The following PCGF6 variants were observed in gnomAD, a reference collection of about 807,000 sequenced individuals.
The protein encoded by PCGF6 is polycomb group RING finger protein 6.
PCGF6 carries 24 observed loss-of-function variants against 45.5 expected under a neutral mutation model. That is an observed-to-expected ratio of 0.53 (90% confidence interval 0.38 to 0.74). The LOEUF (loss-of-function observed/expected upper bound fraction) is 0.74. PCGF6 is among the 30% of genes least tolerant of loss of function. PCGF6 has a pLI of 0.00. For synonymous variants in PCGF6, 152 were observed against 162.1 expected, an observed-to-expected ratio of 0.94 and a Z score of 0.47; for missense variants, 356 against 443.2, an observed-to-expected ratio of 0.80 and a Z score of 1.77.
rs746881981 is a variant in PCGF6 at position 103,348,702 on chromosome 10, T to C, written c.557+14A>G. ...ATATTTAAAATACAATTGTAATTTATATATTCTTCTTACCTTATGTTATAA... is the reference window on the plus strand; with the variant it reads ...ATATTTAAAATACAATTGTAATTTACATATTCTTCTTACCTTATGTTATAA... On this transcript the variant is annotated intron_variant, in intron 3 of 9. Transcript: ENST00000369847. 10 of 1,452,352 alleles carry C rather than the reference T, an allele frequency of 6.9e-6. No individual in the cohort carries two copies. Among genetic ancestry groups the C allele is most frequent in the South Asian group, 2.4e-5 (2 of 81,842 alleles). The allele number at this position is 1,452,352 out of a possible 1,614,324, so 90.0% of individuals were successfully genotyped here.
rs184822886 is a variant in PCGF6, at chr10:103,341,624, T to C, written c.782+3400A>G. On this transcript the variant is annotated intron_variant, in intron 6 of 9. Transcript: ENST00000369847. ...CCAGCTTTTTTTTTTTTTGTATTTT[T>C]AGTAAAGACGGGTTTCACCATATTG... is the stretch of plus-strand genomic sequence containing the variant. 5.2e-3 allele frequency among the ~76,000 whole-genome samples: 782 copies of C among 151,834 alleles called. 3 individuals carry two copies. Among genetic ancestry groups the C allele is most frequent in the Admixed American group, 8.6e-3 (131 of 15,214 alleles).
chr10:103,328,309 C>T (rs921774316), intron 7 of PCGF6, among the ~76,000 whole-genome samples: 5 of 152,148 alleles, frequency 3.3e-5, no homozygotes, highest in African/African-American at 9.7e-5. Flanking sequence ...CCTATCTGTA[C>T]AGTAGTTTGT....
At chr10:103,305,303 GCT>G (rs1184545283) in intron 9 of PCGF6, among the ~76,000 whole-genome samples, 5 of 151,560 alleles carry the variant, frequency 3.3e-5, no homozygotes. Context: ...ACACAGTCTG[GCT>G]CTGTCACCAG....
rs1347371485 is a variant in PCGF6 at position 103,303,906 on chromosome 10, C to T, written c.1052G>A (p.Ter351=). Residue 351 remains the stop codon, a stop_retained_variant, in exon 10 of 10, where the codon TGA becomes TAA. Transcript: ENST00000369847. ...GLVVSPLKIT[*] ...CTCCTCATAATGTGCCTAGAATCTTCAAGTTATCTTCAGAGGAGAAACCAC... is the reference window on the plus strand; with the variant it reads ...CTCCTCATAATGTGCCTAGAATCTTTAAGTTATCTTCAGAGGAGAAACCAC... 4 of 1,611,228 alleles carry T rather than the reference C, an allele frequency of 2.5e-6. No individual in the cohort carries two copies. Among genetic ancestry groups the T allele is most frequent in the African/African-American group, 1.3e-5 (1 of 74,920 alleles).
intron 9 of PCGF6, among the ~76,000 whole-genome samples, chr10:103,312,897 C>A (rs1029685815): frequency 6.6e-5 from 10 of 151,798 alleles, no homozygotes; most frequent in African/African-American, 1.7e-4. Context: ...GGAGGCGGAG[C>A]TTGCAGTGAG....
intron 8 of PCGF6, among the ~76,000 whole-genome samples, chr10:103,315,970 G>A (rs1384156437): frequency 6.9e-5 from 5 of 72,214 alleles, no homozygotes; most frequent in African/African-American, 1.6e-4. Context: ...CAGCTTATAT[G>A]TGTGTGTGTG....
intron 6 of PCGF6, among the ~76,000 whole-genome samples, chr10:103,338,476 C>T (rs943607262): frequency 1.3e-5 from 2 of 148,312 alleles, no homozygotes; most frequent in African/African-American, 5.0e-5. Flanking sequence ...ACCCGGGAGG[C>T]GGAGCTTGCA....
chr10:103,340,190 A>ATATAT (rs1173986597), intron 6 of PCGF6, among the ~76,000 whole-genome samples: 5 of 104,272 alleles, frequency 4.8e-5, no homozygotes, highest in South Asian at 2.7e-4. Context: ...GAAAAAAAAA[A>ATATAT]AAAAAAAAAT....
chr10:103,309,436 C>T (rs564750295), intron 9 of PCGF6, among the ~76,000 whole-genome samples: 1 of 152,268 alleles, frequency 6.6e-6, no homozygotes, highest in African/African-American at 2.4e-5. Flanking sequence ...CCTCCTTATT[C>T]TCTCTCTTCT....
intron 2 of PCGF6, 39 bp from the exon 3 acceptor site, chr10:103,348,851 A>C: frequency 6.2e-7 from 1 of 1,604,722 alleles, no homozygotes; most frequent in Non-Finnish European, 8.5e-7. Flanking sequence ...TGCTTTCAAG[A>C]CATTTCAAAA....
At chr10:103,345,163 A>C (rs2093294772) in intron 5 of PCGF6, 31 bp from the exon 6 acceptor site, 1 of 1,443,546 alleles carries the variant, frequency 6.9e-7, no homozygotes, top group East Asian at 2.3e-5. Flanking sequence ...AATGTTAATT[A>C]AGAATAAAAA....
At chr10:103,313,793 G>A (rs1435594173) in intron 9 of PCGF6, among the ~76,000 whole-genome samples, 1 of 152,118 alleles carries the variant, frequency 6.6e-6, no homozygotes, top group Non-Finnish European at 1.5e-5. Flanking sequence ...CATTGGCCTA[G>A]AAGCCTTCAA....
chr10:103,318,588 C>CA (rs2093184783), intron 8 of PCGF6, among the ~76,000 whole-genome samples: 1 of 150,938 alleles, frequency 6.6e-6, no homozygotes, highest in Non-Finnish European at 1.5e-5. Context: ...ACCAAAAATA[C>CA]AAAAAAATTA....
chr10:103,351,055 G>A lies in PCGF6; in HGVS notation c.12C>T (p.Val4=), dbSNP rs1295090434. 1 of 1,393,068 alleles carries A rather than the reference G, an allele frequency of 7.2e-7. No homozygotes were observed. Among genetic ancestry groups the A allele is most frequent in the South Asian group, 1.7e-5 (1 of 57,154 alleles). The allele number at this position is 1,393,068 out of a possible 1,614,324, so 86.3% of individuals were successfully genotyped here. The change falls in exon 1 of 10, where the codon GTC becomes GTT. Residue 4 remains valine, a synonymous_variant. Transcript: ENST00000369847. MEG[V]AVVTAGSVGA... ...CTACGCTGCCCGCCGTCACCACCGC[G>A]ACCCCCTCCATGGTCGGGAGAGACA...
rs1016415697 is a variant in PCGF6, at chr10:103,314,166, T to C, written c.996+20A>G. The C allele has an allele frequency of 6.0e-6, 9 of 1,492,278 alleles. No homozygotes were observed. The highest frequency in any genetic ancestry group is 5.6e-5 in the African/African-American group (4 of 70,972). The allele number at this position is 1,492,278 out of a possible 1,614,324, so 92.4% of individuals were successfully genotyped here. A position where few individuals can be genotyped will look rare whatever the true frequency, so the allele number is the denominator to read the frequency against. Reference sequence around the variant, plus strand: ...CACTAAGTAACTTATCTGTTAGACATGGGTATGTCTATAACCTACCTGCAT... The same window carrying C: ...CACTAAGTAACTTATCTGTTAGACACGGGTATGTCTATAACCTACCTGCAT... On this transcript the variant is annotated intron_variant, in intron 9 of 9. Transcript: ENST00000369847.
In PCGF6 at chr10:103,350,788, T is replaced by G. The variant is rs1245198360; in HGVS notation, c.279A>C (p.Glu93Asp). The change falls in exon 1 of 10, where the codon GAA (glutamate) becomes GAC (aspartate). Residue 93 changes from glutamate (E) to aspartate (D), a missense_variant. Physicochemically the swap from Glu to Asp is conservative, Grantham distance 45. Transcript: ENST00000369847. Reference sequence around the variant, plus strand: ...TCATGTCCTCCTCCTCCTCCTCTTCTTCCTCCTCCAGCTCCTCTTCTTCTT... The same window carrying G: ...TCATGTCCTCCTCCTCCTCCTCTTCGTCCTCCTCCAGCTCCTCTTCTTCTT... The part of the protein sequence containing the change: ...ELEEEEELEE[E>D]EEEEEEDMSH... 2 of 1,560,436 alleles carry G rather than the reference T, an allele frequency of 1.3e-6. No homozygotes were observed. Among genetic ancestry groups the G allele is most frequent in the East Asian group, 4.8e-5 (2 of 42,040 alleles).
At chr10:103,334,150 T>C (rs1592069489) in intron 6 of PCGF6, among the ~76,000 whole-genome samples, 198 bp from the exon 7 acceptor site, 1 of 152,258 alleles carries the variant, frequency 6.6e-6, no homozygotes, top group East Asian at 1.9e-4. Context: ...TTTTATCCAG[T>C]ATTTTAGTCT....
rs538811364 is a variant in PCGF6, at chr10:103,312,121, T to C, written c.996+2065A>G. Among the ~76,000 whole-genome samples, 6 of 131,202 alleles carry C rather than the reference T, an allele frequency of 4.6e-5. No homozygotes were observed. The South Asian group carries it at 9.8e-4, about 22-fold the overall frequency. The allele number at this position is 131,202 out of a possible 152,430, so 86.1% of individuals were successfully genotyped here. ...AAAAAAAAAAAGTCACGGTTGGGCA[T>C]GGTGGCTCACGCCTGTAATCCCAGC... On this transcript the variant is annotated intron_variant, in intron 9 of 9. Coordinates refer to ENST00000369847, the MANE Select transcript of PCGF6 (RefSeq NM_001011663.2).
At chr10:103,343,728 G>C (rs2093289199) in intron 6 of PCGF6, among the ~76,000 whole-genome samples, 1 of 148,572 alleles carries the variant, frequency 6.7e-6, no homozygotes, top group Non-Finnish European at 1.5e-5. Flanking sequence ...AGCTACTTGG[G>C]AGGCTGAGGC....
Sources: gnomAD v4.1 joint callset for allele counts (sites outside exome capture counted in the v4.1 genomes callset) on GRCh38, gnomAD v4.1.1 for gene constraint, MANE v1.5 for transcripts, NCBI Gene and HGNC (gene_info 2026-07-23, HGNC 2026-07-21) for gene names.